Variants in DNASE1L2 observed in about 807,000 individuals in gnomAD.
DNASE1L2 encodes the protein deoxyribonuclease-1-like 2.
In DNASE1L2, 35 loss-of-function variants were observed where a neutral mutation model predicts 31.8. The observed-to-expected ratio is 1.10, with a 90% CI of 0.84 to 1.46. The LOEUF (loss-of-function observed/expected upper bound fraction) is 1.46. DNASE1L2 is among the 40% of genes most tolerant of loss of function. DNASE1L2 has a pLI of 0.00. For synonymous variants in DNASE1L2, 211 were observed against 186.5 expected (o/e 1.13, Z -1.07); for missense variants, 504 against 418.8 (o/e 1.20, Z -1.77).
chr16:2,238,261 A>G, intron 6 of DNASE1L2, 101 bp from the exon 7 acceptor site: 1 of 1,515,510 alleles, frequency 6.6e-7, no homozygotes, highest in African/African-American at 1.5e-5. Flanking sequence ...CCCCTGCCCC[A>G]CCGCAGGCAG....
At chr16:2,238,156 A>G (rs764080187) in intron 6 of DNASE1L2, 138 bp downstream of exon 6, 75 of 1,438,180 alleles carry the variant, frequency 5.2e-5, no homozygotes, top group Non-Finnish European at 6.7e-5. Context: ...AGGACCCTGG[A>G]GAGCCCGGCC....
At chr16:2,237,008 C>G in intron 2 of DNASE1L2, 30 bp from the exon 3 acceptor site, 1 of 1,545,518 alleles carries the variant, frequency 6.5e-7, no homozygotes, top group Non-Finnish European at 8.7e-7. Flanking sequence ...GCTGACCGCG[C>G]TGACCCCCGC....
Position 2,238,413 on chromosome 16 carries a change from C to CG in DNASE1L2, c.896dup (p.Ter300MetfsTer90). Reference sequence around the variant, plus strand: ...AGTGGAGGTGACCCTCAAGTTCCACCGATGACTCGAGGCCTGGCTGGGGCA... The same window carrying CG: ...AGTGGAGGTGACCCTCAAGTTCCACCGGATGACTCGAGGCCTGGCTGGGGCA... On this transcript the variant is annotated frameshift_variant, in exon 7 of 7. Coordinates refer to ENST00000320700, the MANE Select transcript of DNASE1L2 (RefSeq NM_001374.3). LOFTEE classifies it high-confidence loss of function. 1.9e-6 allele frequency: 3 copies of CG among 1,613,464 alleles called. No individual in the cohort carries two copies. Among genetic ancestry groups the CG allele is most frequent in the South Asian group, 2.2e-5 (2 of 91,090 alleles).
Position 2,238,365 on chromosome 16 carries a change from C to A in DNASE1L2, c.847C>A (p.Leu283Ile). ...EEFGLDQTQA[L>I]AISDHFPVEV... ...GAGGCTCACTCTGTCCCCACAGGCT[C>A]TTGCCATCAGCGACCACTTTCCAGT... Residue 283 changes from leucine to isoleucine, a missense_variant, in exon 7 of 7, where the codon CTT (leucine) becomes ATT (isoleucine). Coordinates refer to ENST00000320700, the MANE Select transcript of DNASE1L2 (RefSeq NM_001374.3). 6.2e-7 allele frequency: 1 copy of A among 1,613,456 alleles called. No individual in the cohort carries two copies. The highest frequency in any genetic ancestry group is 2.2e-5 in the East Asian group (1 of 44,876).
chr16:2,237,220 T>G lies in DNASE1L2; in HGVS notation c.236T>G (p.Val79Gly). 1 of 1,572,228 alleles carries G rather than the reference T, an allele frequency of 6.4e-7. No individual in the cohort carries two copies. The highest frequency in any genetic ancestry group is 1.2e-5 in the South Asian group (1 of 86,300). ...VSALMEQINS[V>G]SEHEYSFVSS... ...TGAGCGGGCCCCTGTCTCCGCAGCGTGTCCGAGCACGAGTACAGCTTTGTG... is the reference window on the plus strand; with the variant it reads ...TGAGCGGGCCCCTGTCTCCGCAGCGGGTCCGAGCACGAGTACAGCTTTGTG... Residue 79 changes from valine (V) to glycine (G), a missense_variant and splice_region_variant, in exon 4 of 7, where the codon GTG (valine) becomes GGG (glycine). By Grantham distance (109) the Val-to-Gly change is moderately radical (BLOSUM62 -3). Transcript: ENST00000320700.
Position 2,237,550 on chromosome 16 carries a change from G to A in DNASE1L2, c.492G>A (p.Leu164=), listed in dbSNP as rs751610476. 2 of 1,603,148 alleles carry A rather than the reference G, an allele frequency of 1.2e-6. No individual in the cohort carries two copies. Reference sequence around the variant, plus strand: ...CCCTTCCCGCAGCAGCACAGAACCTGGTGCTGATCCCGCTGCACGCGGCGC... The same window carrying A: ...CCCTTCCCGCAGCAGCACAGAACCTAGTGCTGATCCCGCTGCACGCGGCGC... ...PPPLPAAAQN[L]VLIPLHAAPH... Residue 164 remains leucine, a synonymous_variant, in exon 5 of 7, where the codon CTG becomes CTA. Transcript: ENST00000320700.
At position 2,237,583 on chromosome 16, in the gene DNASE1L2, A is replaced by G; in HGVS notation, c.525A>G (p.Gln175=). ...VLIPLHAAPH[Q]AVAEIDALYD... ...TCCCGCTGCACGCGGCGCCGCATCA[A>G]GCCGTGGCGGAGATCGACGCGCTCT... is the stretch of plus-strand genomic sequence containing the variant. The change falls in exon 5 of 7, where the codon CAA becomes CAG. Residue 175 remains glutamine, a synonymous_variant. Transcript: ENST00000320700. 1 of 1,611,540 alleles carries G rather than the reference A, an allele frequency of 6.2e-7. No individual in the cohort carries two copies. Among genetic ancestry groups the G allele is most frequent in the Non-Finnish European group, 8.5e-7 (1 of 1,179,326 alleles).
intron 1 of DNASE1L2, 25 bp from the exon 2 acceptor site, chr16:2,236,753 T>A: frequency 6.7e-7 from 1 of 1,492,816 alleles, no homozygotes; most frequent in Non-Finnish European, 8.9e-7. Flanking sequence ...GGTGGGTCGG[T>A]GGGTCTGACA....
In DNASE1L2 at chr16:2,237,390, C is replaced by T; in HGVS notation, c.332C>T (p.Ser111Leu). Residue 111 changes from serine (S) to leucine (L), a missense_variant, in exon 5 of 7, where the codon TCG becomes TTG. Physicochemically the swap from Ser to Leu is moderately radical, Grantham distance 145. Transcript: ENST00000320700. ...CCATCTCCTAGGAAAGACGCGGTGT[C>T]GGTCGTGGACACCTACCTGTACCCA... ...YLFVYRKDAV[S>L]VVDTYLYPDP... 2.5e-6 allele frequency: 4 copies of T among 1,601,822 alleles called. No homozygotes were observed. The highest frequency in any genetic ancestry group is 1.1e-5 in the South Asian group (1 of 89,760).
Position 2,236,478 on chromosome 16 carries a change from T to A in DNASE1L2, c.-122T>A, listed in dbSNP as rs943822198. On this transcript the variant is annotated 5_prime_UTR_variant, in exon 1 of 7. Coordinates refer to ENST00000320700, the MANE Select transcript of DNASE1L2 (RefSeq NM_001374.3). ...GCCAGAGGGAGTCAGTGCAGTCCTG[T>A]GTCGGACACGCCCGCAGCCTGGACC... The A allele has an allele frequency of 3.5e-6, 4 of 1,127,054 alleles. No homozygotes were observed. The highest frequency in any genetic ancestry group is 4.3e-6 in the Non-Finnish European group (4 of 920,996). The allele number at this position is 1,127,054 out of a possible 1,614,324, so 69.8% of individuals were successfully genotyped here. A position where few individuals can be genotyped will look rare whatever the true frequency, so the allele number is the denominator to read the frequency against.
chr16:2,238,249 T>G (rs1596780439), intron 6 of DNASE1L2, 113 bp from the exon 7 acceptor site: 37 of 1,347,058 alleles, frequency 2.7e-5, no homozygotes, highest in South Asian at 1.5e-4. Flanking sequence ...CCCCGGCCCC[T>G]GCCCCTGCCC....
Position 2,238,015 on chromosome 16 carries a change from T to C in DNASE1L2, c.840T>C (p.Thr280=). ...DFQEEFGLDQ[T]QALAISDHFP... is the part of the protein sequence containing the mutation. ...AGGAGGAATTCGGCCTGGACCAGACTCAGGCGAGTGGGCCGTGGGGCGGTG... is the reference window on the plus strand; with the variant it reads ...AGGAGGAATTCGGCCTGGACCAGACCCAGGCGAGTGGGCCGTGGGGCGGTG... Residue 280 remains threonine (T), a synonymous_variant, in exon 6 of 7, where the codon ACT becomes ACC. Transcript: ENST00000320700. The C allele has an allele frequency of 6.3e-7, 1 of 1,596,034 alleles. No homozygotes were observed. Among genetic ancestry groups the C allele is most frequent in the South Asian group, 1.1e-5 (1 of 89,058 alleles).
intron 6 of DNASE1L2, 72 bp downstream of exon 6, chr16:2,238,090 C>T (rs954789111): frequency 6.6e-7 from 1 of 1,513,968 alleles, no homozygotes; most frequent in African/African-American, 1.4e-5. Context: ...CAGGGAGGGT[C>T]CAGCGCCCAA....
Position 2,237,494 on chromosome 16 carries a change from C to T in DNASE1L2, c.436C>T (p.Leu146Phe). ...CGGCACCGGTGAGCGGGCCCCGCCC[C>T]TCCCCTCCCGCCGAGCTCTGACGCC... is the stretch of plus-strand genomic sequence containing the variant. Reference protein sequence around the residue: ...APGTGERAPPLPSRRALTPPP... With the variant: ...APGTGERAPPFPSRRALTPPP... Residue 146 changes from leucine to phenylalanine, a missense_variant, in exon 5 of 7, where the codon CTC (leucine) becomes TTC (phenylalanine). By Grantham distance (22) the Leu-to-Phe change is conservative. Transcript: ENST00000320700. 1 of 1,567,192 alleles carries T rather than the reference C, an allele frequency of 6.4e-7. No homozygotes were observed. Among genetic ancestry groups the T allele is most frequent in the Non-Finnish European group, 8.7e-7 (1 of 1,155,636 alleles).
chr16:2,237,588 T>C lies in DNASE1L2; in HGVS notation c.530T>C (p.Val177Ala). Residue 177 changes from valine to alanine, a missense_variant, in exon 5 of 7, where the codon GTG (valine) becomes GCG (alanine). Val to Ala is a moderately conservative substitution (Grantham distance 64). Coordinates refer to ENST00000320700, the MANE Select transcript of DNASE1L2 (RefSeq NM_001374.3). ...CTGCACGCGGCGCCGCATCAAGCCGTGGCGGAGATCGACGCGCTCTACGAC... is the reference window on the plus strand; with the variant it reads ...CTGCACGCGGCGCCGCATCAAGCCGCGGCGGAGATCGACGCGCTCTACGAC... ...IPLHAAPHQA[V>A]AEIDALYDVY... 6.2e-7 allele frequency: 1 copy of C among 1,609,794 alleles called. No individual in the cohort carries two copies. Among genetic ancestry groups the C allele is most frequent in the South Asian group, 1.1e-5 (1 of 90,894 alleles).
rs113436938 is a variant in DNASE1L2 at position 2,238,377 on chromosome 16, G to A, written c.859G>A (p.Asp287Asn). 6.2e-6 allele frequency: 10 copies of A among 1,613,328 alleles called. No homozygotes were observed. Among genetic ancestry groups the A allele is most frequent in the South Asian group, 4.4e-5 (4 of 91,080 alleles). ...GTCCCCACAGGCTCTTGCCATCAGC[G>A]ACCACTTTCCAGTGGAGGTGACCCT... ...LDQTQALAIS[D>N]HFPVEVTLKF... The change falls in exon 7 of 7, where the codon GAC becomes AAC. Residue 287 changes from aspartate (D) to asparagine (N), a missense_variant. Transcript: ENST00000320700.
chr16:2,237,327 CG>C, intron 4 of DNASE1L2, 26 bp downstream of exon 4: 2 of 1,591,066 alleles, frequency 1.3e-6, no homozygotes, highest in African/African-American at 2.7e-5. Context: ...CAGGGAGGGG[CG>C]CGCGGGGCCG....
intron 5 of DNASE1L2, 21 bp downstream of exon 5, chr16:2,237,670 C>T: frequency 2.5e-6 from 4 of 1,591,240 alleles, no homozygotes; most frequent in Non-Finnish European, 3.4e-6. Context: ...CCCTCGGTCC[C>T]GGGGTCCCTG....
At position 2,237,665 on chromosome 16, in the gene DNASE1L2, G is replaced by T. The variant is rs1256357302; in HGVS notation, c.591+16G>T. 3.8e-6 allele frequency: 6 copies of T among 1,590,020 alleles called. No homozygotes were observed. In the African/African-American group the frequency reaches 8.1e-5, roughly 21 times the overall value. On this transcript the variant is annotated intron_variant, in intron 5 of 6. Transcript: ENST00000320700. The stretch of plus-strand genomic sequence containing the variant: ...GGGCACCGACGTAAGCCCACCCCTC[G>T]GTCCCGGGGTCCCTGCAGGCGCGCC...
Sources: allele counts gnomAD v4.1 joint callset, GRCh38; gene constraint gnomAD v4.1.1; transcripts MANE v1.5; gene names NCBI Gene and HGNC (gene_info 2026-07-23, HGNC 2026-07-21).